The following AATF variants were observed in gnomAD, a reference collection of about 807,000 sequenced individuals.
AATF encodes the protein protein AATF.
A neutral mutation model predicts 63.7 loss-of-function variants in AATF; 48 were observed. The ratio of observed to expected loss-of-function variants is 0.75; its 90% confidence interval spans 0.60 to 0.96. The LOEUF (loss-of-function observed/expected upper bound fraction) is 0.96, where lower values mean the gene tolerates loss of function less well. Among genes scored for constraint, AATF ranks in the 40% least tolerant of loss-of-function variants. The pLI is 0.00. For missense variants in AATF, 639 were observed against 685.7 expected (o/e 0.93, Z 0.76); for synonymous variants, 258 against 247.7 (o/e 1.04, Z -0.39).
chr17:36,960,029 C>T (rs184175537), intron 4 of AATF, among the ~76,000 whole-genome samples: 5 of 151,870 alleles, frequency 3.3e-5, no homozygotes, highest in Non-Finnish European at 7.4e-5. Flanking sequence ...TTTTTCCCCC[C>T]CCGAGATGGA....
At chr17:37,018,423 A>G (rs562974274) in intron 8 of AATF, among the ~76,000 whole-genome samples, 14 of 152,340 alleles carry the variant, frequency 9.2e-5, no homozygotes, top group African/African-American at 3.4e-4. Flanking sequence ...TTGTGTGGCT[A>G]TGAATGTGTT....
rs961095759 is a variant in AATF, at chr17:36,986,726, G to A, written c.942G>A (p.Ala314=). The A allele has an allele frequency of 9.3e-6, 15 of 1,611,922 alleles. No individual in the cohort carries two copies. Among genetic ancestry groups the A allele is most frequent in the African/African-American group, 5.3e-5 (4 of 74,858 alleles). Residue 314 remains alanine, a synonymous_variant, in exon 5 of 12, where the codon GCG becomes GCA. Coordinates refer to ENST00000619387, the MANE Select transcript of AATF (RefSeq NM_012138.4). ...TAGTAGATGGGACAAAGCCCAATGC[G>A]GGAAGGTAAGAGAACAGAATCATGG... ...RYLVDGTKPN[A]GSEEISSEDD...
intron 8 of AATF, among the ~76,000 whole-genome samples, chr17:37,001,555 G>A (rs2071298507): frequency 6.6e-6 from 1 of 151,804 alleles, no homozygotes; most frequent in Admixed American, 6.6e-5. Flanking sequence ...ATCAATTAAT[G>A]TATTATAACA....
At chr17:36,995,277 C>G (rs192681070) in intron 8 of AATF, among the ~76,000 whole-genome samples, 38 of 152,258 alleles carry the variant, frequency 2.5e-4, no homozygotes, top group African/African-American at 7.5e-4. Flanking sequence ...CTATAACTGA[C>G]CTTGCCACAT....
intron 4 of AATF, among the ~76,000 whole-genome samples, chr17:36,973,249 A>G (rs1448993112): frequency 6.6e-6 from 1 of 152,234 alleles, no homozygotes; most frequent in Non-Finnish European, 1.5e-5. Context: ...GTGAAAAAGT[A>G]GAAAGTAAAT....
intron 4 of AATF, among the ~76,000 whole-genome samples, chr17:36,966,573 T>A (rs1193187113): frequency 6.6e-6 from 1 of 151,256 alleles, no homozygotes; most frequent in Non-Finnish European, 1.5e-5. Flanking sequence ...CACCCTGAAG[T>A]TTTCATTTTA....
intron 8 of AATF, among the ~76,000 whole-genome samples, chr17:37,015,483 G>C (rs1005067055): frequency 6.6e-6 from 1 of 152,144 alleles, no homozygotes; most frequent in African/African-American, 2.4e-5. Flanking sequence ...AATTCACATG[G>C]CAGAAGGTGG....
At chr17:36,978,491 C>T (rs1444139727) in intron 4 of AATF, among the ~76,000 whole-genome samples, 3 of 151,996 alleles carry the variant, frequency 2.0e-5, no homozygotes, top group African/African-American at 4.8e-5. Flanking sequence ...ATATAAGTCT[C>T]TACATTCTGC....
At chr17:36,961,674 ATT>A (rs563768134) in intron 4 of AATF, among the ~76,000 whole-genome samples, 21 of 144,094 alleles carry the variant, frequency 1.5e-4, no homozygotes, top group African/African-American at 3.0e-4. Context: ...TTGTACATTG[ATT>A]TTTTTTTTTT....
In AATF at chr17:36,989,379, C is replaced by T. The variant is rs1045523068; in HGVS notation, c.1282C>T (p.Gln428Ter). The part of the protein sequence containing the change: ...RVLGKPEPAA[Q>*]PVPESLPGEP... ...TCTTGGCAAACCTGAGCCAGCAGCT[C>T]AGCCTGTCCCAGAGAGTTTGCCAGG... Residue 428 changes from glutamine to a stop codon, truncating the protein, a stop_gained, in exon 7 of 12, where the codon CAG becomes TAG. Transcript: ENST00000619387. LOFTEE classifies it high-confidence loss of function. The T allele has an allele frequency of 1.2e-6, 2 of 1,613,616 alleles. No homozygotes were observed. Among genetic ancestry groups the T allele is most frequent in the African/African-American group, 2.7e-5 (2 of 74,908 alleles).
rs2070830111 is a variant in AATF at position 36,949,069 on chromosome 17, G to C, written c.-57G>C. ...CCGGCAGGGAAGGAGCTTCGGGGCC[G>C]GGGGTTGGGCCGCACATTTACGTGC... On this transcript the variant is annotated 5_prime_UTR_variant, in exon 1 of 12. Coordinates refer to ENST00000619387, the MANE Select transcript of AATF (RefSeq NM_012138.4). The C allele has an allele frequency of 2.8e-6, 4 of 1,430,878 alleles. No homozygotes were observed. Among genetic ancestry groups the C allele is most frequent in the Non-Finnish European group, 2.9e-6 (3 of 1,045,930 alleles). The allele number at this position is 1,430,878 out of a possible 1,614,324, so 88.6% of individuals were successfully genotyped here. A position where few individuals can be genotyped will look rare whatever the true frequency, so the allele number is the denominator to read the frequency against.
At chr17:37,032,007 A>G (rs1047965822) in intron 11 of AATF, among the ~76,000 whole-genome samples, 43 of 152,198 alleles carry the variant, frequency 2.8e-4, no homozygotes, top group African/African-American at 9.4e-4. Context: ...GCTGTTGTGC[A>G]TATGCTTTCC....
intron 8 of AATF, among the ~76,000 whole-genome samples, chr17:37,010,627 A>G (rs754294724): frequency 9.9e-5 from 15 of 152,202 alleles, no homozygotes; most frequent in Non-Finnish European, 2.1e-4. Flanking sequence ...CCATGAGTAC[A>G]GTGTACAGTA....
intron 4 of AATF, among the ~76,000 whole-genome samples, chr17:36,963,793 T>C (rs1400549096): frequency 6.6e-6 from 1 of 152,248 alleles, no homozygotes; most frequent in Non-Finnish European, 1.5e-5. Context: ...GATTGAGAAC[T>C]GACTTATCTA....
At chr17:36,964,910 G>A (rs1460237780) in intron 4 of AATF, among the ~76,000 whole-genome samples, 2 of 151,936 alleles carry the variant, frequency 1.3e-5, no homozygotes, top group Admixed American at 6.6e-5. Context: ...TGCTCTTCTG[G>A]GGAGAGCTAC....
At chr17:36,997,787 C>T (rs1235798850) in intron 8 of AATF, among the ~76,000 whole-genome samples, 2 of 152,204 alleles carry the variant, frequency 1.3e-5, no homozygotes, top group African/African-American at 4.8e-5. Flanking sequence ...ATGTTTATAG[C>T]AGAACAATTC....
chr17:37,051,667 C>G (rs1005242914), intron 11 of AATF, among the ~76,000 whole-genome samples: 1 of 149,826 alleles, frequency 6.7e-6, no homozygotes, highest in Non-Finnish European at 1.5e-5. Flanking sequence ...ATAAATAAGC[C>G]GAATCCTAAG....
At chr17:37,038,549 G>A (rs1265338521) in intron 11 of AATF, among the ~76,000 whole-genome samples, 2 of 152,126 alleles carry the variant, frequency 1.3e-5, no homozygotes, top group Non-Finnish European at 2.9e-5. Context: ...TTCAAGGAGA[G>A]GATATTAGAT....
Position 36,986,608 on chromosome 17 carries a change from A to G in AATF, c.833-9A>G, listed in dbSNP as rs1340272189. 3.1e-6 allele frequency: 5 copies of G among 1,609,186 alleles called. No homozygotes were observed. The highest frequency in any genetic ancestry group is 1.7e-5 in the Admixed American group (1 of 59,956). On this transcript the variant is annotated splice_polypyrimidine_tract_variant and intron_variant, in intron 4 of 11. Transcript: ENST00000619387. Reference sequence around the variant, plus strand: ...ATTAATTGTCCTTTCTCTGTCCTTTATTTCCCAGGTCACAAGGCACTTAAA... The same window carrying G: ...ATTAATTGTCCTTTCTCTGTCCTTTGTTTCCCAGGTCACAAGGCACTTAAA...
Sources: allele counts gnomAD v4.1 joint callset (sites outside exome capture counted in the v4.1 genomes callset), GRCh38; gene constraint gnomAD v4.1.1; transcripts MANE v1.5; gene names NCBI Gene and HGNC (gene_info 2026-07-23, HGNC 2026-07-21).